The following NELL2 variants were observed in gnomAD, a reference collection of about 807,000 sequenced individuals.
NELL2 encodes the protein protein kinase C-binding protein NELL2.
NELL2 carries 41 observed loss-of-function variants against 109.6 expected under a neutral mutation model. The ratio of observed to expected loss-of-function variants is 0.37; its 90% CI spans 0.29 to 0.49. NELL2 has a LOEUF of 0.49. NELL2 is among the 20% of genes least tolerant of loss of function. The pLI, the probability that NELL2 is intolerant of heterozygous loss-of-function variation, is 0.98. For synonymous variants in NELL2, 355 were observed against 344.7 expected, an observed-to-expected ratio of 1.03 and a Z score of -0.33; for missense variants, 900 against 1,008.3, an observed-to-expected ratio of 0.89 and a Z score of 1.45.
At chr12:44,730,984 C>A (rs940887021) in intron 9 of NELL2, among the ~76,000 whole-genome samples, 5 of 151,944 alleles carry the variant, frequency 3.3e-5, no homozygotes, top group African/African-American at 1.2e-4. Flanking sequence ...AGAGACTACT[C>A]CTAATAATTA....
At chr12:44,630,084 C>G (rs1034097270) in intron 13 of NELL2, among the ~76,000 whole-genome samples, 2 of 152,162 alleles carry the variant, frequency 1.3e-5, no homozygotes, top group African/African-American at 4.8e-5. Context: ...ATTTAACATT[C>G]TACCGCTTTG....
At chr12:44,685,821 C>T (rs922368538) in intron 12 of NELL2, among the ~76,000 whole-genome samples, 2 of 152,004 alleles carry the variant, frequency 1.3e-5, no homozygotes, top group African/African-American at 2.4e-5. Flanking sequence ...GAGGGTAACC[C>T]GACCTTTCTC....
chr12:44,701,272 T>C (rs900730414), intron 12 of NELL2, among the ~76,000 whole-genome samples: 2 of 152,062 alleles, frequency 1.3e-5, no homozygotes, highest in African/African-American at 4.8e-5. Flanking sequence ...ATAAAAAAAT[T>C]CAAGATATCT....
chr12:44,592,680 T>G (rs1944801016), intron 15 of NELL2, among the ~76,000 whole-genome samples: 1 of 152,176 alleles, frequency 6.6e-6, no homozygotes, highest in Non-Finnish European at 1.5e-5. Context: ...CAGAAGCCTA[T>G]TTATTTTGAG....
At chr12:44,578,376 C>T (rs180676685) in intron 15 of NELL2, among the ~76,000 whole-genome samples, 8 of 150,162 alleles carry the variant, frequency 5.3e-5, no homozygotes, top group East Asian at 2.0e-4. Flanking sequence ...TTAAGTAAAA[C>T]GATAGAAATC....
At chr12:44,797,596 T>C (rs1005069923) in intron 3 of NELL2, among the ~76,000 whole-genome samples, 3 of 151,916 alleles carry the variant, frequency 2.0e-5, no homozygotes, top group African/African-American at 4.8e-5. Flanking sequence ...ATTTTTCTGA[T>C]ATAAAATAAT....
intron 13 of NELL2, among the ~76,000 whole-genome samples, chr12:44,637,141 C>T (rs554608890): frequency 6.6e-6 from 1 of 151,960 alleles, no homozygotes; most frequent in East Asian, 2.0e-4. Context: ...ATTCTTCTCT[C>T]TTTTCTTCTT....
intron 9 of NELL2, 94 bp from the exon 10 acceptor site, chr12:44,714,835 C>A: frequency 1.5e-6 from 1 of 674,806 alleles, no homozygotes. Flanking sequence ...ACATGTTATA[C>A]ACCTTTTTTC....
chr12:44,622,289 C>A (rs996218887), intron 13 of NELL2, among the ~76,000 whole-genome samples: 9 of 152,108 alleles, frequency 5.9e-5, no homozygotes, highest in African/African-American at 2.2e-4. Flanking sequence ...AAAAGTTCAA[C>A]CTTGTTGCTC....
chr12:44,687,617 G>A (rs907676975), intron 12 of NELL2, among the ~76,000 whole-genome samples: 1 of 152,110 alleles, frequency 6.6e-6, no homozygotes, highest in African/African-American at 2.4e-5. Context: ...AAAGCAAAAG[G>A]AATGCTAAGA....
intron 3 of NELL2, among the ~76,000 whole-genome samples, chr12:44,804,912 C>T (rs1375902981): frequency 6.6e-6 from 1 of 151,770 alleles, no homozygotes; most frequent in East Asian, 1.9e-4. Context: ...CAATTTAAAT[C>T]CTGTGGAAGA....
chr12:44,568,095 C>G (rs574300620), intron 15 of NELL2, among the ~76,000 whole-genome samples: 5 of 151,628 alleles, frequency 3.3e-5, no homozygotes, highest in Admixed American at 1.3e-4. Context: ...GATTAGCAAG[C>G]CTAAAATCAT....
intron 13 of NELL2, among the ~76,000 whole-genome samples, chr12:44,621,463 C>T (rs1946057697): frequency 6.6e-6 from 1 of 152,102 alleles, no homozygotes; most frequent in African/African-American, 2.4e-5. Flanking sequence ...TCCTCCTCTA[C>T]AAAATGAGTC....
intron 13 of NELL2, among the ~76,000 whole-genome samples, chr12:44,642,208 C>T (rs17572765): frequency 0.08 from 12,208 of 152,136 alleles, 578 homozygotes; most frequent in Non-Finnish European, 0.1. Flanking sequence ...CAAGGGTTCA[C>T]AGATGATTCT....
intron 12 of NELL2, among the ~76,000 whole-genome samples, chr12:44,684,409 C>T (rs1156250189): frequency 2.0e-5 from 3 of 152,040 alleles, no homozygotes; most frequent in Non-Finnish European, 4.4e-5. Flanking sequence ...TTTTGTGTCT[C>T]TATTTCCTTC....
intron 19 of NELL2, among the ~76,000 whole-genome samples, chr12:44,511,254 G>A (rs540372854): frequency 6.6e-6 from 1 of 152,262 alleles, no homozygotes; most frequent in East Asian, 1.9e-4. Context: ...ATCCTACTTG[G>A]GTTCCAGTTT....
chr12:44,694,520 A>AACACAAACACACAC (rs373354613), intron 12 of NELL2, among the ~76,000 whole-genome samples: 2 of 144,308 alleles, frequency 1.4e-5, no homozygotes, highest in African/African-American at 2.6e-5. Context: ...CACACATACA[A>AACACAAACACACAC]ACACACACAC....
chr12:44,650,229 A>G (rs1459759013), intron 13 of NELL2, among the ~76,000 whole-genome samples: 1 of 152,030 alleles, frequency 6.6e-6, no homozygotes, highest in Non-Finnish European at 1.5e-5. Context: ...AAGATATTAC[A>G]TCTATTGAAG....
intron 3 of NELL2, among the ~76,000 whole-genome samples, chr12:44,783,659 A>AT (rs1409072744): frequency 1.3e-5 from 2 of 152,044 alleles, no homozygotes; most frequent in Non-Finnish European, 2.9e-5. Context: ...TACTTCTATA[A>AT]TTTTTAAGAA....
Sources: gnomAD v4.1 joint callset for allele counts (sites outside exome capture counted in the v4.1 genomes callset) on GRCh38, gnomAD v4.1.1 for gene constraint, MANE v1.5 for transcripts, NCBI Gene and HGNC (gene_info 2026-07-23, HGNC 2026-07-21) for gene names.